NEGR1: variants seen among roughly 807,000 people sequenced by gnomAD.
NEGR1 encodes IgLON family member 4.
Under a neutral mutation model 40.9 loss-of-function variants are expected in NEGR1, and 10 were observed. The observed-to-expected ratio is 0.24, with a 90% CI of 0.15 to 0.42. The LOEUF is 0.42. Among genes scored for constraint, NEGR1 ranks in the 10% least tolerant of loss-of-function variants. The probability of loss-of-function intolerance (pLI) is 1.00; values close to 1 mark genes in which losing one functional copy is unlikely to be tolerated. For synonymous variants in NEGR1, 185 were observed against 166.8 expected, an observed-to-expected ratio of 1.11 and a Z score of -0.84; for missense variants, 352 against 438.9, an observed-to-expected ratio of 0.80 and a Z score of 1.77.
chr1:72,199,737 C>A (rs563478769), intron 1 of NEGR1, among the ~76,000 whole-genome samples: 8 of 151,888 alleles, frequency 5.3e-5, no homozygotes, highest in Non-Finnish European at 1.0e-4. Context: ...TATTTTCAAT[C>A]CACTTTTTAA....
At chr1:71,412,947 A>G (rs1430952376) in intron 6 of NEGR1, among the ~76,000 whole-genome samples, 1 of 152,198 alleles carries the variant, frequency 6.6e-6, no homozygotes, top group Non-Finnish European at 1.5e-5. Context: ...TTTAAAACAA[A>G]CAACAGAACA....
At chr1:71,739,078 G>A (rs1655126997) in intron 3 of NEGR1, among the ~76,000 whole-genome samples, 1 of 151,742 alleles carries the variant, frequency 6.6e-6, no homozygotes, top group African/African-American at 2.4e-5. Flanking sequence ...GGGTGTGTGT[G>A]TAAGCCTGTT....
At chr1:72,084,198 C>G (rs1648117123) in intron 1 of NEGR1, among the ~76,000 whole-genome samples, 2 of 152,076 alleles carry the variant, frequency 1.3e-5, no homozygotes, top group South Asian at 4.1e-4. Flanking sequence ...TCTACCCATC[C>G]CCATTTTCAG....
At position 71,402,340 on chromosome 1, in the gene NEGR1, TG is replaced by T. The variant is rs1309614547; in HGVS notation, c.*5105del. 6.6e-6 allele frequency: 1 copy of T among 152,166 alleles called. No homozygotes were observed. Among genetic ancestry groups the T allele is most frequent in the Non-Finnish European group, 1.5e-5 (1 of 68,022 alleles). The allele number at this position is 152,166 out of a possible 1,614,324, so 9.4% of individuals were successfully genotyped here. ...CAAAGGAGAGGTAGTTGTGACCCTT[TG>T]GGGAAAACTATAGTTGCCACAATTG... On this transcript the variant is annotated 3_prime_UTR_variant, in exon 7 of 7. Coordinates refer to ENST00000357731, the MANE Select transcript of NEGR1 (RefSeq NM_173808.3).
At chr1:72,271,361 C>A (rs1312117227) in intron 1 of NEGR1, among the ~76,000 whole-genome samples, 2 of 151,932 alleles carry the variant, frequency 1.3e-5, no homozygotes, top group African/African-American at 4.8e-5. Flanking sequence ...TGAATAACAT[C>A]ATTTTGTTCC....
chr1:72,235,748 G>A (rs1444023190), intron 1 of NEGR1, among the ~76,000 whole-genome samples: 1 of 151,968 alleles, frequency 6.6e-6, no homozygotes, highest in African/African-American at 2.4e-5. Flanking sequence ...AGGGTCTTGT[G>A]CAGGAAGTAA....
intron 6 of NEGR1, among the ~76,000 whole-genome samples, chr1:71,533,302 A>T (rs2101446605): frequency 6.6e-6 from 1 of 151,736 alleles, no homozygotes; most frequent in African/African-American, 2.4e-5. Context: ...TCAGTTCCCT[A>T]AAAAGTCTTT....
At chr1:72,062,792 T>C (rs111550792) in intron 1 of NEGR1, among the ~76,000 whole-genome samples, 129 of 152,084 alleles carry the variant, frequency 8.5e-4, no homozygotes, top group Non-Finnish European at 1.6e-3. Context: ...CTGTGAAATA[T>C]GAAGTGGGTG....
At chr1:72,042,829 C>T (rs1048667059) in intron 1 of NEGR1, among the ~76,000 whole-genome samples, 1 of 151,952 alleles carries the variant, frequency 6.6e-6, no homozygotes, top group Non-Finnish European at 1.5e-5. Context: ...CTTTTATTAC[C>T]TTAGACCATT....
intron 1 of NEGR1, among the ~76,000 whole-genome samples, chr1:72,207,871 A>G (rs1653466856): frequency 6.6e-6 from 1 of 151,788 alleles, no homozygotes; most frequent in African/African-American, 2.4e-5. Flanking sequence ...CAAATGTTCT[A>G]ACAATTTATA....
At chr1:71,554,241 C>G (rs1256955735) in intron 6 of NEGR1, among the ~76,000 whole-genome samples, 1 of 151,398 alleles carries the variant, frequency 6.6e-6, no homozygotes, top group Admixed American at 6.6e-5. Context: ...AAACTGGGCA[C>G]TAAACAAGTG....
chr1:71,938,410 GT>G (rs571760372), intron 1 of NEGR1, among the ~76,000 whole-genome samples: 25,335 of 109,860 alleles, frequency 0.23, 1,750 homozygotes, highest in East Asian at 0.42. Context: ...ATGTGTAGGT[GT>G]TTTTTTTTTT....
At chr1:71,845,897 C>A (rs1659390566) in intron 2 of NEGR1, among the ~76,000 whole-genome samples, 1 of 148,138 alleles carries the variant, frequency 6.8e-6, no homozygotes, top group Non-Finnish European at 1.5e-5. Context: ...GTAGCTAGGA[C>A]TACAAGGGCA....
intron 2 of NEGR1, among the ~76,000 whole-genome samples, chr1:71,788,081 T>C (rs1179617403): frequency 1.3e-5 from 2 of 152,192 alleles, no homozygotes; most frequent in Non-Finnish European, 2.9e-5. Flanking sequence ...CATGTTAATA[T>C]TCTGCTTCCA....
chr1:72,126,419 C>G (rs1480798579), intron 1 of NEGR1, among the ~76,000 whole-genome samples: 1 of 152,082 alleles, frequency 6.6e-6, no homozygotes, highest in Non-Finnish European at 1.5e-5. Context: ...GTATTTACTA[C>G]TAAAACAAAA....
intron 2 of NEGR1, among the ~76,000 whole-genome samples, chr1:71,806,018 T>C (rs747346650): frequency 6.6e-6 from 1 of 152,172 alleles, no homozygotes; most frequent in Non-Finnish European, 1.5e-5. Context: ...AAATTTCCAT[T>C]ATTATTTCTA....
intron 6 of NEGR1, among the ~76,000 whole-genome samples, chr1:71,426,438 A>G (rs1256255925): frequency 6.6e-6 from 1 of 152,200 alleles, no homozygotes; most frequent in Non-Finnish European, 1.5e-5. Flanking sequence ...TTAGATTATA[A>G]TAGCAATTTA....
chr1:72,235,862 A>G (rs1436107833), intron 1 of NEGR1, among the ~76,000 whole-genome samples: 2 of 152,082 alleles, frequency 1.3e-5, no homozygotes, highest in African/African-American at 4.8e-5. Flanking sequence ...TTTTAAGAGA[A>G]TGTAAACCAA....
intron 4 of NEGR1, among the ~76,000 whole-genome samples, chr1:71,672,630 T>G (rs1425198796): frequency 6.6e-6 from 1 of 152,184 alleles, no homozygotes; most frequent in East Asian, 1.9e-4. Context: ...GATCTGTGAT[T>G]ACCCAATAAA....
Sources: allele counts gnomAD v4.1 joint callset (sites outside exome capture counted in the v4.1 genomes callset), GRCh38; gene constraint gnomAD v4.1.1; transcripts MANE v1.5; gene names NCBI Gene and HGNC (gene_info 2026-07-23, HGNC 2026-07-21).